Variants in CPNE4 observed in about 807,000 individuals in gnomAD.
CPNE4 encodes copine 4.
CPNE4 carries 25 observed loss-of-function variants against 67.9 expected under a neutral mutation model. The observed-to-expected ratio is 0.37, with a 90% CI of 0.27 to 0.51. The LOEUF (loss-of-function observed/expected upper bound fraction) is 0.51, where lower values mean the gene tolerates loss of function less well. Ranked by LOEUF, CPNE4 falls within the 20% of genes least tolerant of loss-of-function variation. The pLI, the probability that CPNE4 is intolerant of heterozygous loss-of-function variation, is 0.93. For missense variants in CPNE4, 464 were observed against 690.8 expected, an observed-to-expected ratio of 0.67 and a Z score of 3.68; for synonymous variants, 242 against 244.9, an observed-to-expected ratio of 0.99 and a Z score of 0.11.
chr3:131,586,174 A>T (rs906950096), intron 8 of CPNE4, among the ~76,000 whole-genome samples: 1 of 152,174 alleles, frequency 6.6e-6, no homozygotes, highest in Admixed American at 6.5e-5. Context: ...CTAAAGAAAA[A>T]GACTTTCTCA....
chr3:131,671,031 A>G (rs1976453), intron 6 of CPNE4, among the ~76,000 whole-genome samples: 136,307 of 152,206 alleles, frequency 0.9, 61,170 homozygotes, highest in East Asian at 0.97. Context: ...CGGGTGATCC[A>G]CCCACCTCGG....
chr3:132,017,401 G>C (rs2073909430), intron 1 of CPNE4: 1 of 151,862 alleles, frequency 6.6e-6, no homozygotes, highest in Admixed American at 6.6e-5. Flanking sequence ...ATGAAAAGAA[G>C]AGTAGGGAGA....
At chr3:131,773,357 T>C (rs2107837538) in intron 2 of CPNE4, among the ~76,000 whole-genome samples, 1 of 151,950 alleles carries the variant, frequency 6.6e-6, no homozygotes, top group African/African-American at 2.4e-5. Context: ...ATTTATTATT[T>C]ATTTATTTGA....
At chr3:131,984,360 A>G (rs367573429) in intron 1 of CPNE4, among the ~76,000 whole-genome samples, 3 of 152,286 alleles carry the variant, frequency 2.0e-5, no homozygotes, top group Admixed American at 2.0e-4. Flanking sequence ...GTTTCTTGTG[A>G]TTTTAATTCA....
chr3:131,584,895 A>G (rs560604437), intron 8 of CPNE4, among the ~76,000 whole-genome samples: 1 of 152,344 alleles, frequency 6.6e-6, no homozygotes, highest in South Asian at 2.1e-4. Context: ...CAGCTTGCAC[A>G]TGCTCTTATC....
chr3:131,764,571 C>T (rs962876835), intron 2 of CPNE4, among the ~76,000 whole-genome samples: 4 of 152,118 alleles, frequency 2.6e-5, no homozygotes, highest in Admixed American at 1.3e-4. Context: ...TACATTCCCA[C>T]ATTCCTGCTA....
chr3:131,818,029 G>A (rs1021451608), intron 2 of CPNE4, among the ~76,000 whole-genome samples: 4 of 152,164 alleles, frequency 2.6e-5, no homozygotes, highest in Non-Finnish European at 5.9e-5. Flanking sequence ...GGTCTCATAA[G>A]CTTTTGAGCC....
At chr3:131,580,514 C>T (rs1419703269) in intron 9 of CPNE4, among the ~76,000 whole-genome samples, 2 of 151,702 alleles carry the variant, frequency 1.3e-5, no homozygotes, top group Non-Finnish European at 2.9e-5. Context: ...ACAACATGCA[C>T]ACACAACAAT....
chr3:131,717,891 T>C (rs1244057827), intron 3 of CPNE4, among the ~76,000 whole-genome samples: 1,323 of 75,020 alleles, frequency 0.018, 103 homozygotes, highest in East Asian at 0.064. Flanking sequence ...TCTTTCTTTC[T>C]TTCTTTCTTT....
chr3:131,916,749 A>G (rs2089197386), intron 1 of CPNE4, among the ~76,000 whole-genome samples: 1 of 152,184 alleles, frequency 6.6e-6, no homozygotes, highest in Non-Finnish European at 1.5e-5. Context: ...TAAGCACTTG[A>G]ACTGTGGCTA....
chr3:132,000,882 C>T (rs1306740625), intron 1 of CPNE4, among the ~76,000 whole-genome samples: 1 of 148,358 alleles, frequency 6.7e-6, no homozygotes, highest in African/African-American at 2.5e-5. Context: ...ATGGATAATA[C>T]ATTATATCTC....
At chr3:131,690,162 T>C (rs2081000843) in intron 5 of CPNE4, among the ~76,000 whole-genome samples, 1 of 151,960 alleles carries the variant, frequency 6.6e-6, no homozygotes, top group Non-Finnish European at 1.5e-5. Flanking sequence ...ACTATAAACA[T>C]AGTTTTCACA....
intron 1 of CPNE4, among the ~76,000 whole-genome samples, chr3:131,978,114 A>ATT (rs2072733635): frequency 3.4e-5 from 2 of 59,654 alleles, no homozygotes; most frequent in Non-Finnish European, 5.4e-5. Flanking sequence ...TATATAAAAT[A>ATT]TATATAAATA....
Position 131,559,259 on chromosome 3 carries a change from T to C in CPNE4, c.1062-3708A>G, listed in dbSNP as rs1380747772. Among the ~76,000 whole-genome samples the C allele has an allele frequency of 2.6e-5, 4 of 152,006 alleles. No individual in the cohort carries two copies. The East Asian group carries it at 7.7e-4, about 29-fold the overall frequency. On this transcript the variant is annotated intron_variant, in intron 11 of 15. Coordinates refer to ENST00000429747, the MANE Select transcript of CPNE4 (RefSeq NM_130808.3). ...ATAACTTAAACTTGAAAGAATTGAG[T>C]AATACTGCTAGACAAGTTATTTATT...
At chr3:131,955,582 A>T (rs2071940588) in intron 1 of CPNE4, among the ~76,000 whole-genome samples, 1 of 151,928 alleles carries the variant, frequency 6.6e-6, no homozygotes, top group Admixed American at 6.6e-5. Context: ...AAGTTGCCAA[A>T]TGTATAGAAG....
chr3:131,771,209 A>G (rs1393089337), intron 2 of CPNE4, among the ~76,000 whole-genome samples: 1 of 152,172 alleles, frequency 6.6e-6, no homozygotes, highest in Non-Finnish European at 1.5e-5. Context: ...GAAACAATAA[A>G]AAATCTTTAA....
At chr3:131,976,262 A>AT (rs139263987) in intron 1 of CPNE4, among the ~76,000 whole-genome samples, 19 of 149,534 alleles carry the variant, frequency 1.3e-4, no homozygotes, top group South Asian at 8.5e-4. Context: ...GTAGGGTTTA[A>AT]TTTTTTTTTT....
At chr3:131,745,580 G>T (rs1023464613) in intron 2 of CPNE4, among the ~76,000 whole-genome samples, 2 of 151,792 alleles carry the variant, frequency 1.3e-5, no homozygotes, top group South Asian at 4.2e-4. Flanking sequence ...ATTCATTTTG[G>T]GTTATTTTTC....
chr3:131,998,506 C>T (rs191968757), intron 1 of CPNE4, among the ~76,000 whole-genome samples: 160 of 152,208 alleles, frequency 1.1e-3, no homozygotes, highest in African/African-American at 3.8e-3. Flanking sequence ...ATGGATGCTG[C>T]GAATCCCCAG....
Sources: gnomAD v4.1 joint callset for allele counts (sites outside exome capture counted in the v4.1 genomes callset) on GRCh38, gnomAD v4.1.1 for gene constraint, MANE v1.5 for transcripts, NCBI Gene and HGNC (gene_info 2026-07-23, HGNC 2026-07-21) for gene names.